The following TRPM3 variants were observed in gnomAD, a reference collection of about 807,000 sequenced individuals.
The protein encoded by TRPM3 is long transient receptor potential channel 3.
Under a neutral mutation model 181.2 loss-of-function variants are expected in TRPM3, and 77 were observed. The observed-to-expected ratio is 0.42, with a 90% CI of 0.35 to 0.51. The LOEUF is 0.51. Among genes scored for constraint, TRPM3 ranks in the 20% least tolerant of loss-of-function variants. The pLI, the probability that TRPM3 is intolerant of heterozygous loss-of-function variation, is 0.01. For synonymous variants in TRPM3, 745 were observed against 796.4 expected (o/e 0.94, Z 1.09); for missense variants, 1,759 against 2,196.7 (o/e 0.80, Z 3.98).
In TRPM3 at chr9:70,535,561, G is replaced by A; in HGVS notation, c.*392C>T. On this transcript the variant is annotated 3_prime_UTR_variant, in exon 26 of 26. Transcript: ENST00000677713. ...TTATTTTATTTTGCAATTTAGCCCT[G>A]CATCCTACAACTCTTGATAATGGTC... is the stretch of plus-strand genomic sequence containing the variant. 6.5e-7 allele frequency: 1 copy of A among 1,534,358 alleles called. No individual in the cohort carries two copies. The highest frequency in any genetic ancestry group is 1.2e-5 in the South Asian group (1 of 81,836).
chr9:70,882,455 C>G (rs945375010), intron 1 of TRPM3, among the ~76,000 whole-genome samples: 2 of 151,900 alleles, frequency 1.3e-5, no homozygotes, highest in Non-Finnish European at 2.9e-5. Flanking sequence ...TGTTAGAATA[C>G]CCACAAAACT....
At chr9:70,988,104 T>G (rs1343848514) in intron 1 of TRPM3, among the ~76,000 whole-genome samples, 1 of 152,202 alleles carries the variant, frequency 6.6e-6, no homozygotes, top group Non-Finnish European at 1.5e-5. Context: ...GTCACTGAAA[T>G]TCTTTGGAAT....
intron 7 of TRPM3, among the ~76,000 whole-genome samples, chr9:70,778,458 A>T (rs2081868666): frequency 6.6e-6 from 1 of 152,154 alleles, no homozygotes; most frequent in Non-Finnish European, 1.5e-5. Flanking sequence ...AATAAATGTT[A>T]ACTTGGAAAA....
chr9:70,573,582 G>A (rs566389646), intron 22 of TRPM3, among the ~76,000 whole-genome samples: 53 of 151,386 alleles, frequency 3.5e-4, no homozygotes, highest in African/African-American at 1.2e-3. Context: ...AATCAGGGAG[G>A]GCAAGCAAAA....
chr9:70,676,630 TC>T (rs748452466), intron 9 of TRPM3, among the ~76,000 whole-genome samples: 31 of 152,082 alleles, frequency 2.0e-4, no homozygotes, highest in Non-Finnish European at 3.2e-4. Flanking sequence ...TTAGCGGACC[TC>T]CCTAAATTCT....
At chr9:71,342,256 G>GTGTA (rs1554880395) in intron 1 of TRPM3, among the ~76,000 whole-genome samples, 3 of 142,212 alleles carry the variant, frequency 2.1e-5, no homozygotes, top group East Asian at 2.1e-4. Context: ...TTAAATAGGT[G>GTGTA]TATATATATA....
At position 71,027,210 on chromosome 9, in the gene TRPM3, C is replaced by A. The variant is rs117520164; in HGVS notation, c.177+93968G>T. On this transcript the variant is annotated intron_variant, in intron 1 of 25. Coordinates refer to ENST00000677713, the MANE Select transcript of TRPM3 (RefSeq NM_001366145.2). ...TACTGTCTAGGAGCCCTGAGCTGAG[C>A]CTTGACCCCCTCAAATCTTCCAGTA... Among the ~76,000 whole-genome samples, 755 of 152,258 alleles carry A rather than the reference C, an allele frequency of 5.0e-3. 19 individuals carry two copies. In the East Asian group the frequency reaches 0.078, roughly 16 times the overall value.
chr9:70,790,742 A>T (rs1429181119), intron 6 of TRPM3, among the ~76,000 whole-genome samples: 2 of 152,166 alleles, frequency 1.3e-5, no homozygotes, highest in African/African-American at 4.8e-5. Flanking sequence ...AAACTACATA[A>T]ATCTGATAAT....
chr9:71,342,047 A>T (rs1367633597), intron 1 of TRPM3, among the ~76,000 whole-genome samples: 1 of 151,796 alleles, frequency 6.6e-6, no homozygotes. Flanking sequence ...GAAACACTTC[A>T]CTCAGAAAAA....
chr9:71,252,778 A>G (rs534160643), intron 1 of TRPM3, among the ~76,000 whole-genome samples: 31 of 150,744 alleles, frequency 2.1e-4, no homozygotes, highest in African/African-American at 7.1e-4. Flanking sequence ...GCTTAAGTCA[A>G]TCTCCCTCCT....
chr9:71,051,133 T>C (rs2060018080), intron 1 of TRPM3, among the ~76,000 whole-genome samples: 1 of 152,202 alleles, frequency 6.6e-6, no homozygotes, highest in South Asian at 2.1e-4. Context: ...CAGCTTGTTT[T>C]CTTCATGCAT....
chr9:70,604,359 G>A (rs767020137), intron 19 of TRPM3, among the ~76,000 whole-genome samples: 1 of 152,228 alleles, frequency 6.6e-6, no homozygotes, highest in Non-Finnish European at 1.5e-5. Context: ...TCACCTTAAG[G>A]GAAATGGCAG....
intron 1 of TRPM3, among the ~76,000 whole-genome samples, chr9:70,877,804 A>AACACACACACAT (rs1554756944): frequency 6.8e-6 from 1 of 146,216 alleles, no homozygotes; most frequent in South Asian, 2.2e-4. Context: ...AAAATCATAA[A>AACACACACACAT]ACACACACAC....
At chr9:70,751,097 T>C (rs974937567) in intron 8 of TRPM3, among the ~76,000 whole-genome samples, 1 of 152,000 alleles carries the variant, frequency 6.6e-6, no homozygotes, top group South Asian at 2.1e-4. Context: ...ACAGAATACA[T>C]GCAATTAGAC....
intron 1 of TRPM3, among the ~76,000 whole-genome samples, chr9:71,180,188 G>A (rs1422003621): frequency 6.6e-6 from 1 of 151,282 alleles, no homozygotes; most frequent in Non-Finnish European, 1.5e-5. Flanking sequence ...CTGAGTAGCT[G>A]GGATTACAGA....
intron 1 of TRPM3, among the ~76,000 whole-genome samples, chr9:71,077,763 A>G (rs537866): frequency 1 from 151,851 of 152,246 alleles, 75,728 homozygotes; most frequent in Middle Eastern, 1. Context: ...TGAGGCAGGT[A>G]TACACAACAG....
chr9:70,609,606 G>A (rs2061712701), intron 19 of TRPM3, among the ~76,000 whole-genome samples: 1 of 152,216 alleles, frequency 6.6e-6, no homozygotes, highest in Non-Finnish European at 1.5e-5. Context: ...CATGCTACCT[G>A]TTGGGGACAG....
chr9:70,617,156 G>C (rs117965867), intron 17 of TRPM3, among the ~76,000 whole-genome samples: 3,013 of 152,294 alleles, frequency 0.02, 33 homozygotes, highest in Middle Eastern at 0.034. Context: ...AATTCTGGGT[G>C]CCTGGCCGGC....
intron 8 of TRPM3, among the ~76,000 whole-genome samples, chr9:70,746,282 AG>A (rs2075142449): frequency 6.6e-6 from 1 of 152,124 alleles, no homozygotes; most frequent in African/African-American, 2.4e-5. Flanking sequence ...AGAGAGAGAG[AG>A]AGAGAGAGAT....
Sources: allele counts gnomAD v4.1 joint callset (sites outside exome capture counted in the v4.1 genomes callset), GRCh38; gene constraint gnomAD v4.1.1; transcripts MANE v1.5; gene names NCBI Gene and HGNC (gene_info 2026-07-23, HGNC 2026-07-21).